The following FAM185A variants were observed in gnomAD, a reference collection of about 807,000 sequenced individuals.
The protein encoded by FAM185A is protein FAM185A.
In FAM185A, 21 loss-of-function variants were observed where a neutral mutation model predicts 45.7. That is an observed-to-expected ratio of 0.46 (90% CI 0.33 to 0.66). FAM185A has a LOEUF of 0.66. Among genes scored for constraint, FAM185A ranks in the 30% least tolerant of loss-of-function variants. The pLI is 0.03. For missense variants in FAM185A, 305 were observed against 485.4 expected (o/e 0.63, Z 3.49); for synonymous variants, 117 against 194.0 (o/e 0.60, Z 3.30).
At chr7:102,802,003 AT>A (rs1268245443) in intron 7 of FAM185A, among the ~76,000 whole-genome samples, 1 of 152,126 alleles carries the variant, frequency 6.6e-6, no homozygotes, top group Non-Finnish European at 1.5e-5. Context: ...AATCCTAAAC[AT>A]TTATGCACCT....
Position 102,808,424 on chromosome 7 carries a change from T to C in FAM185A, c.*22T>C, listed in dbSNP as rs1245889577. The C allele has an allele frequency of 1.5e-6, 2 of 1,363,024 alleles. No homozygotes were observed. The highest frequency in any genetic ancestry group is 4.0e-5 in the Admixed American group (2 of 50,232). 84.4% of individuals were successfully genotyped at this position (1,363,024 alleles called of 1,614,324 possible). On this transcript the variant is annotated 3_prime_UTR_variant, in exon 8 of 8. Transcript: ENST00000413034. ...CTAAAACTGATTTGAGTTGGATTTA[T>C]GATTTTTAACAATGATTCGCAGATC...
chr7:102,751,180 TG>T (rs1793340404), intron 1 of FAM185A, among the ~76,000 whole-genome samples: 1 of 152,180 alleles, frequency 6.6e-6, no homozygotes, highest in Admixed American at 6.5e-5. Flanking sequence ...CCTCCCAAAG[TG>T]CTGGTATTAC....
rs1352183253 is a variant in FAM185A, at chr7:102,800,657, A to T, written c.1067-7633A>T. Reference sequence around the variant, plus strand: ...GAAGAGAGAAAATAAGAGCTCGAAGACAAGGTCTTTGAATTAACCCAATCC... The same window carrying T: ...GAAGAGAGAAAATAAGAGCTCGAAGTCAAGGTCTTTGAATTAACCCAATCC... On this transcript the variant is annotated intron_variant, in intron 7 of 7. Coordinates refer to ENST00000413034, the MANE Select transcript of FAM185A (RefSeq NM_001145268.2). 3.3e-5 allele frequency among the ~76,000 whole-genome samples: 5 copies of T among 152,356 alleles called. No homozygotes were observed. The East Asian group carries it at 9.6e-4, about 29-fold the overall frequency.
chr7:102,812,751 T>C (rs1277460544), downstream of FAM185A, among the ~76,000 whole-genome samples: 1 of 152,048 alleles, frequency 6.6e-6, no homozygotes, highest in Non-Finnish European at 1.5e-5. Flanking sequence ...GGTTGTTTCA[T>C]ATAACTGTAG....
In FAM185A at chr7:102,767,038, C is replaced by T. The variant is rs531258491; in HGVS notation, c.794-5371C>T. Among the ~76,000 whole-genome samples the T allele has an allele frequency of 1.1e-4, 16 of 152,150 alleles. No individual in the cohort carries two copies. In the South Asian group the frequency reaches 1.2e-3, roughly 12 times the overall value. On this transcript the variant is annotated intron_variant, in intron 4 of 7. Coordinates refer to ENST00000413034, the MANE Select transcript of FAM185A (RefSeq NM_001145268.2). ...CTCAAACTCCTGACCTCAGGTGATC[C>T]GCACGCCTCGGCCTCCCAAAGTGCT...
intron 4 of FAM185A, among the ~76,000 whole-genome samples, chr7:102,762,727 A>G (rs867507068): frequency 6.6e-6 from 1 of 151,912 alleles, no homozygotes; most frequent in Non-Finnish European, 1.5e-5. Context: ...TGGAGCCTCA[A>G]TTTAATGGTT....
the FAM185A span, among the ~76,000 whole-genome samples, chr7:102,849,883 G>C: frequency 6.6e-6 from 1 of 152,074 alleles, no homozygotes; most frequent in African/African-American, 2.4e-5. Flanking sequence ...AAAAATTTCA[G>C]GGTTGAGGGT....
At chr7:102,834,032 TGAAGGAAGGAAGGAAG>T in the FAM185A span, among the ~76,000 whole-genome samples, 916 of 75,452 alleles carry the variant, frequency 0.012, 39 homozygotes, top group African/African-American at 0.05. Flanking sequence ...GAAACCATGA[TGAAGGAAGGAAGGAAG>T]GAAGGAAGGA....
intron 6 of FAM185A, among the ~76,000 whole-genome samples, chr7:102,777,891 C>A (rs1795164665): frequency 6.6e-6 from 1 of 152,186 alleles, no homozygotes; most frequent in Admixed American, 6.5e-5. Context: ...CTGAGTCCAA[C>A]TCTTTCATTT....
intron 7 of FAM185A, among the ~76,000 whole-genome samples, chr7:102,805,994 G>C (rs183414551): frequency 2.4e-4 from 36 of 152,292 alleles, no homozygotes; most frequent in Non-Finnish European, 5.1e-4. Context: ...CCCCTTATCT[G>C]AAGTCCATGT....
chr7:102,830,368 A>G, the FAM185A span, among the ~76,000 whole-genome samples: 2 of 152,144 alleles, frequency 1.3e-5, no homozygotes, highest in African/African-American at 4.8e-5. Context: ...CTTCTCACTA[A>G]GCCATGTGTT....
chr7:102,797,336 G>A (rs1438542681), intron 7 of FAM185A, among the ~76,000 whole-genome samples: 1 of 151,352 alleles, frequency 6.6e-6, no homozygotes, highest in Non-Finnish European at 1.5e-5. Flanking sequence ...GGTGGCACGC[G>A]GCTGTAGTCC....
At chr7:102,842,087 T>C in the FAM185A span, among the ~76,000 whole-genome samples, 1 of 152,118 alleles carries the variant, frequency 6.6e-6, no homozygotes, top group South Asian at 2.1e-4. Context: ...GAGTATTGGA[T>C]GAGAAGAGAG....
chr7:102,751,794 C>T lies in FAM185A; in HGVS notation c.554C>T (p.Ser185Phe). ...ETEHGTSILQ[S>F]VKGQKLHVQT... ...GAGCATGGGACTAGTATCTTGCAGTCTGTTAAGGTATAGCATTTTTCTAAT... is the reference window on the plus strand; with the variant it reads ...GAGCATGGGACTAGTATCTTGCAGTTTGTTAAGGTATAGCATTTTTCTAAT... Residue 185 changes from serine (S) to phenylalanine (F), a missense_variant, in exon 2 of 8, where the codon TCT becomes TTT. Ser to Phe is a radical substitution (Grantham distance 155). This residue lies in a region of FAM185A where 174 missense variants were observed against 247.1 expected (regional missense o/e 0.70). Transcript: ENST00000413034. 1 of 1,538,164 alleles carries T rather than the reference C, an allele frequency of 6.5e-7. No individual in the cohort carries two copies. Among genetic ancestry groups the T allele is most frequent in the Non-Finnish European group, 8.8e-7 (1 of 1,141,520 alleles).
the FAM185A span, among the ~76,000 whole-genome samples, chr7:102,816,511 C>G: frequency 6.6e-6 from 1 of 152,256 alleles, no homozygotes; most frequent in South Asian, 2.1e-4. Context: ...TAACCTAAGA[C>G]CCAGGACCTT....
At position 102,809,082 on chromosome 7, in the gene FAM185A, A is replaced by AT. The variant is rs1447750751; in HGVS notation, c.*682dup. Reference sequence around the variant, plus strand: ...TTTCACTCCCACTCAAGGAAAGGAGATTATACAAAGGCATCCATCATGTGG... The same window carrying AT: ...TTTCACTCCCACTCAAGGAAAGGAGATTTATACAAAGGCATCCATCATGTGG... On this transcript the variant is annotated 3_prime_UTR_variant, in exon 8 of 8. Coordinates refer to ENST00000413034, the MANE Select transcript of FAM185A (RefSeq NM_001145268.2). 6.6e-6 allele frequency: 1 copy of AT among 152,250 alleles called. No homozygotes were observed. Among genetic ancestry groups the AT allele is most frequent in the Non-Finnish European group, 1.5e-5 (1 of 68,074 alleles). 9.4% of individuals were successfully genotyped at this position (152,250 alleles called of 1,614,324 possible). A position where few individuals can be genotyped will look rare whatever the true frequency, so the allele number is the denominator to read the frequency against.
rs558964536 is a variant in FAM185A, at chr7:102,802,011, A to G, written c.1067-6279A>G. 2.6e-5 allele frequency among the ~76,000 whole-genome samples: 4 copies of G among 152,264 alleles called. No homozygotes were observed. The East Asian group carries it at 7.7e-4, about 29-fold the overall frequency. Reference sequence around the variant, plus strand: ...ATATCACAATCCTAAACATTTATGCACCTACCACTGAAGCTCCCAAATTTA... The same window carrying G: ...ATATCACAATCCTAAACATTTATGCGCCTACCACTGAAGCTCCCAAATTTA... On this transcript the variant is annotated intron_variant, in intron 7 of 7. Transcript: ENST00000413034.
At chr7:102,787,871 T>C (rs1262983819) in intron 7 of FAM185A, among the ~76,000 whole-genome samples, 2 of 152,240 alleles carry the variant, frequency 1.3e-5, no homozygotes, top group East Asian at 3.8e-4. Context: ...AACAACAAAT[T>C]CTCAGTCCCA....
intron 4 of FAM185A, among the ~76,000 whole-genome samples, chr7:102,768,706 T>C (rs1401063252): frequency 6.6e-6 from 1 of 152,028 alleles, no homozygotes; most frequent in African/African-American, 2.4e-5. Flanking sequence ...CATTTTTTTT[T>C]CCTCTGACCA....
Sources: gnomAD v4.1 joint callset for allele counts (sites outside exome capture counted in the v4.1 genomes callset) on GRCh38, gnomAD v4.1.1 for gene constraint, gnomAD v4.1.1 regional missense constraint, MANE v1.5 for transcripts, NCBI Gene and HGNC (gene_info 2026-07-23, HGNC 2026-07-21) for gene names.